Variants in FLRT2 observed in about 807,000 individuals in gnomAD.
The protein encoded by FLRT2 is leucine-rich repeat transmembrane protein FLRT2.
FLRT2 carries 15 observed loss-of-function variants against 40.0 expected under a neutral mutation model. That is an observed-to-expected ratio of 0.38 (90% confidence interval 0.25 to 0.58). The LOEUF (loss-of-function observed/expected upper bound fraction) is 0.58, where lower values mean the gene tolerates loss of function less well. Among genes scored for constraint, FLRT2 ranks in the 20% least tolerant of loss-of-function variants. The pLI, the probability that FLRT2 is intolerant of heterozygous loss-of-function variation, is 0.71. For synonymous variants in FLRT2, 380 were observed against 336.8 expected (o/e 1.13, Z -1.41); for missense variants, 726 against 840.0 (o/e 0.86, Z 1.68).
At chr14:85,604,369 G>A (rs1892518003) in intron 1 of FLRT2, among the ~76,000 whole-genome samples, 1 of 151,748 alleles carries the variant, frequency 6.6e-6, no homozygotes, top group African/African-American at 2.4e-5. Context: ...CCTGGTAATC[G>A]CCAATGTGCT....
At chr14:85,599,562 A>G (rs930801827) in intron 1 of FLRT2, among the ~76,000 whole-genome samples, 1 of 152,090 alleles carries the variant, frequency 6.6e-6, no homozygotes, top group Non-Finnish European at 1.5e-5. Flanking sequence ...TTTCCTCTAT[A>G]CCACATTGGA....
chr14:85,547,451 G>A (rs1889345437), intron 1 of FLRT2, among the ~76,000 whole-genome samples: 1 of 151,598 alleles, frequency 6.6e-6, no homozygotes, highest in Non-Finnish European at 1.5e-5. Flanking sequence ...AGCTTCCCGA[G>A]TAGCTGGGAT....
At chr14:85,555,242 T>C (rs1889876785) in intron 1 of FLRT2, among the ~76,000 whole-genome samples, 1 of 152,194 alleles carries the variant, frequency 6.6e-6, no homozygotes. Context: ...AGTCAGTATG[T>C]GAGAATATGC....
intron 1 of FLRT2, among the ~76,000 whole-genome samples, chr14:85,607,777 A>G (rs867757388): frequency 6.6e-6 from 1 of 152,192 alleles, no homozygotes; most frequent in Admixed American, 6.5e-5. Context: ...GTATTAAGAA[A>G]TCAAGCGTCT....
At chr14:85,538,590 G>A (rs1413266007) in intron 1 of FLRT2, among the ~76,000 whole-genome samples, 1 of 152,014 alleles carries the variant, frequency 6.6e-6, no homozygotes, top group Non-Finnish European at 1.5e-5. Flanking sequence ...TCAAGACACA[G>A]ATAAAAGAAT....
chr14:85,543,021 T>C (rs2139812491), intron 1 of FLRT2, among the ~76,000 whole-genome samples: 1 of 152,334 alleles, frequency 6.6e-6, no homozygotes, highest in Non-Finnish European at 1.5e-5. Context: ...TACAGATTCC[T>C]GGGCCAAGAA....
rs781639291 is a variant in FLRT2 at position 85,630,285 on chromosome 14, C to CTTTTTTTT, written c.*6803_*6810dup. On this transcript the variant is annotated 3_prime_UTR_variant, in exon 2 of 2. Coordinates refer to ENST00000330753, the MANE Select transcript of FLRT2 (RefSeq NM_013231.6). ...CATACCAATGGGTGATCATATCTGTCTTTTTTTTTTTTTTTTTTTTTTGGT... is the reference window on the plus strand; with the variant it reads ...CATACCAATGGGTGATCATATCTGTCTTTTTTTTTTTTTTTTTTTTTTTTTTTTTTGGT... The CTTTTTTTT allele has an allele frequency of 1.8e-4, 17 of 93,448 alleles. No homozygotes were observed. Among genetic ancestry groups the CTTTTTTTT allele is most frequent in the Admixed American group, 5.4e-4 (4 of 7,402 alleles). 5.8% of individuals were successfully genotyped at this position (93,448 alleles called of 1,614,324 possible).
intron 1 of FLRT2, chr14:85,551,610 A>G (rs1889623030): frequency 6.6e-6 from 1 of 152,198 alleles, no homozygotes; most frequent in African/African-American, 2.4e-5. Context: ...GAATGCATGC[A>G]TACATGGAAG....
At chr14:85,564,822 G>A (rs1277544785) in intron 1 of FLRT2, among the ~76,000 whole-genome samples, 2 of 152,182 alleles carry the variant, frequency 1.3e-5, no homozygotes, top group African/African-American at 2.4e-5. Flanking sequence ...AATTGTAATA[G>A]CACTGATCTC....
rs1298577018 is a variant in FLRT2 at position 85,625,527 on chromosome 14, T to G, written c.*2030T>G. 2.4e-5 allele frequency: 4 copies of G among 167,016 alleles called. No individual in the cohort carries two copies. Among genetic ancestry groups the G allele is most frequent in the Non-Finnish European group, 4.4e-5 (3 of 68,130 alleles). 10.3% of individuals were successfully genotyped at this position (167,016 alleles called of 1,614,324 possible). On this transcript the variant is annotated 3_prime_UTR_variant, in exon 2 of 2. Transcript: ENST00000330753. ...ATTGAAACTGTGCAGTCAGTAGAGC[T>G]GAACTTAGCTATGAATTAATTTAAA...
At chr14:85,584,218 A>T (rs1891517546) in intron 1 of FLRT2, among the ~76,000 whole-genome samples, 1 of 152,266 alleles carries the variant, frequency 6.6e-6, no homozygotes, top group African/African-American at 2.4e-5. Context: ...AAAATGAACA[A>T]GTTGATTAAT....
At chr14:85,619,393 C>T (rs1432931356) in intron 1 of FLRT2, among the ~76,000 whole-genome samples, 1 of 152,090 alleles carries the variant, frequency 6.6e-6, no homozygotes, top group Non-Finnish European at 1.5e-5. Flanking sequence ...TCAAGCCCGG[C>T]CATGCTTGAT....
intron 1 of FLRT2, among the ~76,000 whole-genome samples, chr14:85,567,203 T>C (rs1481867713): frequency 2.6e-5 from 4 of 152,190 alleles, no homozygotes; most frequent in South Asian, 2.1e-4. Context: ...ACATTTGACA[T>C]GTCCCCCTCA....
intron 1 of FLRT2, among the ~76,000 whole-genome samples, chr14:85,580,017 T>C (rs890974767): frequency 1.3e-5 from 2 of 150,590 alleles, no homozygotes; most frequent in Non-Finnish European, 2.9e-5. Flanking sequence ...CATTCTCCAG[T>C]CTGGCTTGGG....
chr14:85,589,686 T>C (rs888408557), intron 1 of FLRT2, among the ~76,000 whole-genome samples: 1 of 152,178 alleles, frequency 6.6e-6, no homozygotes, highest in Non-Finnish European at 1.5e-5. Flanking sequence ...TTTTTGCCCA[T>C]ACCAATGTCC....
chr14:85,535,109 G>T (rs1225998609), intron 1 of FLRT2, among the ~76,000 whole-genome samples: 1 of 152,196 alleles, frequency 6.6e-6, no homozygotes, highest in Non-Finnish European at 1.5e-5. Context: ...TGCTGCATTT[G>T]CTATGCAAAG....
Position 85,573,079 on chromosome 14 carries a change from T to C in FLRT2, c.-377+42545T>C, listed in dbSNP as rs566352283. 1.5e-3 allele frequency among the ~76,000 whole-genome samples: 221 copies of C among 152,320 alleles called. 1 individual carries two copies. The highest frequency in any genetic ancestry group is 2.2e-3 in the Non-Finnish European group (151 of 68,026). On this transcript the variant is annotated intron_variant, in intron 1 of 1. Coordinates refer to ENST00000330753, the MANE Select transcript of FLRT2 (RefSeq NM_013231.6). The stretch of plus-strand genomic sequence containing the variant: ...TGAGTCATCATTTTGGGCATAGAAC[T>C]GGGTTGAAACTCATAGTCAGCAACC...
rs1437719579 is a variant in FLRT2, at chr14:85,605,085, G to A, written c.-376-16054G>A. On this transcript the variant is annotated intron_variant, in intron 1 of 1. Transcript: ENST00000330753. ...TGGGTATGGAAGACTTTAACTGAGC[G>A]TTTTCATCTTTTCTTTTAATATCAT... is the stretch of plus-strand genomic sequence containing the variant. Among the ~76,000 whole-genome samples the A allele has an allele frequency of 5.3e-5, 8 of 152,242 alleles. No individual in the cohort carries two copies. In the East Asian group the frequency reaches 5.8e-4, roughly 11 times the overall value.
At chr14:85,584,810 T>C (rs887544668) in intron 1 of FLRT2, among the ~76,000 whole-genome samples, 23 of 151,996 alleles carry the variant, frequency 1.5e-4, no homozygotes, top group African/African-American at 5.1e-4. Context: ...CAGGCAACGC[T>C]GGCCCTACCT....
Sources: gnomAD v4.1 joint callset for allele counts (sites outside exome capture counted in the v4.1 genomes callset) on GRCh38, gnomAD v4.1.1 for gene constraint, MANE v1.5 for transcripts, NCBI Gene and HGNC (gene_info 2026-07-23, HGNC 2026-07-21) for gene names.